Variants in PTPRD observed in about 807,000 individuals in gnomAD.
The protein encoded by PTPRD is protein tyrosine phosphatase receptor type D, also known as receptor-type tyrosine-protein phosphatase delta.
Under a neutral mutation model 214.5 loss-of-function variants are expected in PTPRD, and 34 were observed. The ratio of observed to expected loss-of-function variants is 0.16; its 90% CI spans 0.12 to 0.21. The LOEUF is 0.21. PTPRD is among the 10% of genes least tolerant of loss of function. The pLI is 1.00. For missense variants in PTPRD, 2,545 were observed against 2,398.7 expected (o/e 1.06, Z -1.27); for synonymous variants, 1,128 against 845.7 (o/e 1.33, Z -5.79).
intron 3 of PTPRD, among the ~76,000 whole-genome samples, chr9:10,253,064 T>A (rs985083356): frequency 2.6e-5 from 4 of 152,188 alleles, no homozygotes; most frequent in African/African-American, 9.7e-5. Flanking sequence ...ATTAGAGGTA[T>A]GAGCCACTGT....
intron 10 of PTPRD, among the ~76,000 whole-genome samples, chr9:9,084,590 G>A (rs2099764329): frequency 6.6e-6 from 1 of 152,002 alleles, no homozygotes; most frequent in Non-Finnish European, 1.5e-5. Context: ...ATTTCTGGGA[G>A]CCAAAGTCAA....
intron 10 of PTPRD, among the ~76,000 whole-genome samples, chr9:9,071,036 G>A (rs1205118222): frequency 6.6e-6 from 1 of 152,044 alleles, no homozygotes; most frequent in Non-Finnish European, 1.5e-5. Flanking sequence ...ACCTCTGCCT[G>A]CTGAGTGATT....
intron 2 of PTPRD, among the ~76,000 whole-genome samples, chr9:10,417,732 C>T (rs1480035577): frequency 2.0e-4 from 31 of 151,638 alleles, no homozygotes; most frequent in Admixed American, 2.0e-3. Flanking sequence ...GACCCTTCCC[C>T]ATGAGAATAC....
In PTPRD at chr9:10,048,105, T is replaced by C. The variant is rs186857991; in HGVS notation, c.-544-14315A>G. ...TGCAAAGCAGAAAACATATACAAGG[T>C]TTCCTACGTGAGACAGATATTTGCC... On this transcript the variant is annotated intron_variant, in intron 3 of 45. Transcript: ENST00000381196. 5.3e-5 allele frequency among the ~76,000 whole-genome samples: 8 copies of C among 152,290 alleles called. No individual in the cohort carries two copies. In the East Asian group the frequency reaches 1.3e-3, roughly 26 times the overall value.
intron 27 of PTPRD, among the ~76,000 whole-genome samples, chr9:8,490,347 T>C (rs1006726202): frequency 2.6e-5 from 4 of 152,236 alleles, no homozygotes; most frequent in African/African-American, 9.6e-5. Flanking sequence ...GGTTGCCCTT[T>C]ACTTTTTAGC....
chr9:10,084,915 G>A (rs2098307267), intron 3 of PTPRD, among the ~76,000 whole-genome samples: 1 of 151,848 alleles, frequency 6.6e-6, no homozygotes, highest in Non-Finnish European at 1.5e-5. Context: ...CTCAATAGGA[G>A]TCTCAACTCT....
chr9:9,269,503 G>T (rs933674513), intron 9 of PTPRD, among the ~76,000 whole-genome samples: 3 of 151,394 alleles, frequency 2.0e-5, no homozygotes, highest in African/African-American at 7.3e-5. Flanking sequence ...CCACTTCTGG[G>T]CACATCTCCT....
intron 7 of PTPRD, among the ~76,000 whole-genome samples, chr9:9,648,456 G>C (rs2096252172): frequency 1.3e-5 from 2 of 152,200 alleles, no homozygotes; most frequent in Non-Finnish European, 2.9e-5. Context: ...TAATGAGGAA[G>C]TGAGCTTAAA....
intron 5 of PTPRD, among the ~76,000 whole-genome samples, chr9:9,888,624 A>G (rs1191786387): frequency 2.0e-5 from 3 of 152,032 alleles, no homozygotes; most frequent in Admixed American, 1.3e-4. Flanking sequence ...TCCTGTCACA[A>G]TGTGATGCCT....
chr9:8,543,175 C>T (rs555411612), intron 14 of PTPRD, among the ~76,000 whole-genome samples: 1 of 152,108 alleles, frequency 6.6e-6, no homozygotes, highest in African/African-American at 2.4e-5. Context: ...TGTAATAAAA[C>T]CTTTTTCTTA....
chr9:9,431,891 C>T (rs1346647654), intron 8 of PTPRD, among the ~76,000 whole-genome samples: 1 of 107,316 alleles, frequency 9.3e-6, no homozygotes, highest in Non-Finnish European at 1.7e-5. Flanking sequence ...CATCACACAC[C>T]GCGGCCTGTT....
intron 14 of PTPRD, among the ~76,000 whole-genome samples, chr9:8,571,041 C>T (rs190748914): frequency 1.3e-5 from 2 of 152,118 alleles, no homozygotes; most frequent in Admixed American, 1.3e-4. Context: ...CACATGGCTT[C>T]CACTGAGTGC....
chr9:9,936,220 T>G (rs955832430), intron 5 of PTPRD, among the ~76,000 whole-genome samples: 4 of 148,380 alleles, frequency 2.7e-5, no homozygotes, highest in Admixed American at 1.3e-4. Context: ...AAGCCAAAAT[T>G]GACAAATGGG....
chr9:8,931,857 A>T (rs1223634241), intron 11 of PTPRD, among the ~76,000 whole-genome samples: 2 of 151,988 alleles, frequency 1.3e-5, no homozygotes, highest in Non-Finnish European at 2.9e-5. Context: ...TTATTGGCTT[A>T]TTCAGGGATT....
At chr9:9,565,959 G>C (rs2084386197) in intron 8 of PTPRD, among the ~76,000 whole-genome samples, 1 of 151,868 alleles carries the variant, frequency 6.6e-6, no homozygotes, top group African/African-American at 2.4e-5. Context: ...CTCTCTAACA[G>C]GCCAGAAGTG....
At chr9:9,890,286 T>C (rs1270113616) in intron 5 of PTPRD, among the ~76,000 whole-genome samples, 1 of 151,906 alleles carries the variant, frequency 6.6e-6, no homozygotes, top group African/African-American at 2.4e-5. Context: ...TAGCCTCCAC[T>C]TCCTGGCCTA....
At chr9:8,422,632 T>A (rs952684985) in intron 35 of PTPRD, among the ~76,000 whole-genome samples, 1 of 152,178 alleles carries the variant, frequency 6.6e-6, no homozygotes. Context: ...TGACACTGAA[T>A]TTAAACTTAA....
intron 13 of PTPRD, 79 bp from the exon 14 acceptor site, chr9:8,633,537 G>A (rs937265716): frequency 2.0e-6 from 3 of 1,499,290 alleles, no homozygotes; most frequent in South Asian, 2.5e-5. Flanking sequence ...TACAGTGGTG[G>A]ATCCGCCATT....
chr9:8,637,829 A>G (rs1564888434), intron 12 of PTPRD, among the ~76,000 whole-genome samples: 1 of 152,224 alleles, frequency 6.6e-6, no homozygotes, highest in Non-Finnish European at 1.5e-5. Context: ...GTTAAGTGTT[A>G]TAAAATCTGT....
Sources: allele counts gnomAD v4.1 joint callset (sites outside exome capture counted in the v4.1 genomes callset), GRCh38; gene constraint gnomAD v4.1.1; transcripts MANE v1.5; gene names NCBI Gene and HGNC (gene_info 2026-07-23, HGNC 2026-07-21).